The following FYB1 variants were observed in gnomAD, a reference collection of about 807,000 sequenced individuals.
FYB1 encodes FYN-binding protein 1.
Under a neutral mutation model 94.1 loss-of-function variants are expected in FYB1, and 41 were observed. That is an observed-to-expected ratio of 0.44 (90% CI 0.34 to 0.57). The LOEUF is 0.57. FYB1 is among the 20% of genes least tolerant of loss of function. The pLI is 0.02. For missense variants in FYB1, 1,050 were observed against 976.8 expected (o/e 1.07, Z -1.00); for synonymous variants, 367 against 353.2 (o/e 1.04, Z -0.44).
chr5:39,204,249 G>C (rs1459854615), intron 1 of FYB1, among the ~76,000 whole-genome samples: 1 of 152,126 alleles, frequency 6.6e-6, no homozygotes, highest in African/African-American at 2.4e-5. Context: ...CCATTTAGTG[G>C]GGGGTAAATA....
chr5:39,202,951 A>T lies in FYB1; in HGVS notation c.10T>A (p.Tyr4Asn), dbSNP rs1748506082. ...TCTGTCGGGTTGCCCCCCGTGTTAT[A>T]TTTCGCCATGAGGGACTTTACATCT... Reference protein sequence around the residue: MAKYNTGGNPTEDV... With the variant: MAKNNTGGNPTEDV... The change falls in exon 2 of 19, where the codon TAT becomes AAT. Residue 4 changes from tyrosine to asparagine, a missense_variant. Coordinates refer to ENST00000512982, the MANE Select transcript of FYB1 (RefSeq NM_001465.6). 1 of 1,613,670 alleles carries T rather than the reference A, an allele frequency of 6.2e-7. No homozygotes were observed. The highest frequency in any genetic ancestry group is 1.1e-5 in the South Asian group (1 of 91,080).
chr5:39,235,799 A>T (rs768357118), intron 1 of FYB1, among the ~76,000 whole-genome samples: 12 of 152,008 alleles, frequency 7.9e-5, no homozygotes, highest in Non-Finnish European at 1.8e-4. Flanking sequence ...ATGAAATCAA[A>T]CGTCTTCTAT....
chr5:39,248,072 GGA>G (rs894615159), intron 1 of FYB1, among the ~76,000 whole-genome samples: 18 of 152,040 alleles, frequency 1.2e-4, no homozygotes, highest in Admixed American at 1.2e-3. Flanking sequence ...CTGGGTGGGT[GGA>G]GAGAGTCAGG....
chr5:39,190,284 T>C (rs1747239640), intron 2 of FYB1, among the ~76,000 whole-genome samples: 1 of 152,226 alleles, frequency 6.6e-6, no homozygotes, highest in East Asian at 1.9e-4. Context: ...ATTAAGATTT[T>C]TGAGAAAGAA....
intron 3 of FYB1, among the ~76,000 whole-genome samples, chr5:39,151,764 A>G (rs1743272680): frequency 6.6e-6 from 1 of 152,208 alleles, no homozygotes; most frequent in South Asian, 2.1e-4. Flanking sequence ...GTGGTCTTTG[A>G]TTAGAAAAGG....
chr5:39,195,085 C>T (rs1466084024), intron 2 of FYB1, among the ~76,000 whole-genome samples: 1 of 152,164 alleles, frequency 6.6e-6, no homozygotes, highest in Non-Finnish European at 1.5e-5. Flanking sequence ...GAGAGCTTTG[C>T]CTCCAGTGAT....
chr5:39,224,150 G>A (rs1750378010), upstream of FYB1, among the ~76,000 whole-genome samples: 1 of 152,210 alleles, frequency 6.6e-6, no homozygotes, highest in Admixed American at 6.5e-5. Flanking sequence ...CGAAACCGAT[G>A]GCCATTCCAG....
intron 1 of FYB1, among the ~76,000 whole-genome samples, chr5:39,268,261 A>G (rs1752517138): frequency 1.3e-5 from 2 of 148,242 alleles, no homozygotes; most frequent in Middle Eastern, 3.4e-3. Flanking sequence ...TTTTGAATAC[A>G]GGGTTGCCTG....
Position 39,107,461 on chromosome 5 carries a change from G to A in FYB1, c.2472C>T (p.Cys824=), listed in dbSNP as rs2150248132. 1 of 1,518,762 alleles carries A rather than the reference G, an allele frequency of 6.6e-7. No homozygotes were observed. Among genetic ancestry groups the A allele is most frequent in the Non-Finnish European group, 8.9e-7 (1 of 1,127,762 alleles). The allele number at this position is 1,518,762 out of a possible 1,614,324, so 94.1% of individuals were successfully genotyped here. Residue 824 remains cysteine, a synonymous_variant, in exon 19 of 19, where the codon TGC becomes TGT. Transcript: ENST00000512982. The part of the protein sequence containing the change: ...GEIYDDIADG[C]IYDND ...TTGAGTGCTAGTCATTGTCATAGAT[G>A]CAGCCTGAAAGGAAAAAATACAAAT...
At chr5:39,108,378 G>T (rs1169178548) in intron 17 of FYB1, 116 bp from the exon 18 acceptor site, 2 of 855,556 alleles carry the variant, frequency 2.3e-6, no homozygotes, top group Non-Finnish European at 3.4e-6. Context: ...AGACTTTTAA[G>T]CATAGTATGC....
chr5:39,124,167 A>C, intron 13 of FYB1, 86 bp downstream of exon 13: 1 of 893,660 alleles, frequency 1.1e-6, no homozygotes, highest in Non-Finnish European at 1.7e-6. Flanking sequence ...TCAAGACTTT[A>C]ATGCAGATAC....
At position 39,230,785 on chromosome 5, in the gene FYB1, G is replaced by A. The variant is rs532802271; in HGVS notation, c.-27-27798C>T. ...CGGTCTAATGACTGAAACCCAACTG[G>A]ACAGGGTACAGCTGAGAATTGCTGA... On this transcript the variant is annotated intron_variant, in intron 1 of 1. Coordinates refer to the FYB1 transcript ENST00000510188. 4.0e-4 allele frequency among the ~76,000 whole-genome samples: 60 copies of A among 151,174 alleles called. 1 individual carries two copies. The highest frequency in any genetic ancestry group is 3.6e-3 in the Admixed American group (55 of 15,112).
chr5:39,120,560 C>A (rs1739995265), intron 14 of FYB1, among the ~76,000 whole-genome samples: 1 of 151,984 alleles, frequency 6.6e-6, no homozygotes, highest in Admixed American at 6.6e-5. Context: ...TGAGCAAGGT[C>A]CAGGTAGTGC....
At chr5:39,169,939 C>T (rs908827521) in intron 2 of FYB1, 2 of 638,598 alleles carry the variant, frequency 3.1e-6, no homozygotes, top group Non-Finnish European at 5.9e-6. Context: ...CTTCTGTGAA[C>T]TATTAAGGAA....
rs574557824 is a variant in FYB1, at chr5:39,106,428, G to T, written c.*1015C>A. 7 of 151,930 alleles carry T rather than the reference G, an allele frequency of 4.6e-5. No homozygotes were observed. In the East Asian group the frequency reaches 1.4e-3, roughly 29 times the overall value. 9.4% of individuals were successfully genotyped at this position (151,930 alleles called of 1,614,324 possible). A position where few individuals can be genotyped will look rare whatever the true frequency, so the allele number is the denominator to read the frequency against. Reference sequence around the variant, plus strand: ...ATGGTTCACATTTTGTTTTTGGATTGCTTTGGGAATGAGTATGTACTGTTA... The same window carrying T: ...ATGGTTCACATTTTGTTTTTGGATTTCTTTGGGAATGAGTATGTACTGTTA... On this transcript the variant is annotated 3_prime_UTR_variant, in exon 19 of 19. Coordinates refer to ENST00000512982, the MANE Select transcript of FYB1 (RefSeq NM_001465.6).
chr5:39,128,135 C>T (rs948389509), intron 10 of FYB1, among the ~76,000 whole-genome samples: 1 of 151,982 alleles, frequency 6.6e-6, no homozygotes, highest in South Asian at 2.1e-4. Flanking sequence ...ACAAATCTAG[C>T]TAACTAGTTA....
intron 16 of FYB1, among the ~76,000 whole-genome samples, chr5:39,112,889 A>G (rs771923019): frequency 6.7e-4 from 102 of 152,152 alleles, no homozygotes; most frequent in Non-Finnish European, 1.2e-3. Context: ...ATACATAAAC[A>G]TCAATAATTG....
chr5:39,210,948 G>A (rs544253276), intron 1 of FYB1: 3 of 152,288 alleles, frequency 2.0e-5, no homozygotes, highest in East Asian at 1.9e-4. Context: ...ATGGCGATAG[G>A]ATGTAGAGAA....
At chr5:39,244,053 G>A (rs1259303741) in intron 1 of FYB1, among the ~76,000 whole-genome samples, 3 of 152,066 alleles carry the variant, frequency 2.0e-5, no homozygotes, top group Non-Finnish European at 4.4e-5. Flanking sequence ...TGAGACAATG[G>A]GGTTTTCTAA....
Sources: allele counts gnomAD v4.1 joint callset (sites outside exome capture counted in the v4.1 genomes callset), GRCh38; gene constraint gnomAD v4.1.1; transcripts MANE v1.5; gene names NCBI Gene and HGNC (gene_info 2026-07-23, HGNC 2026-07-21).